Variants in ILRUN observed in about 807,000 individuals in gnomAD.
ILRUN encodes inflammation and lipid regulator with UBA-like and NBR1-like domains, also known as protein ILRUN.
Under a neutral mutation model 33.8 loss-of-function variants are expected in ILRUN, and 3 were observed. The observed-to-expected ratio is 0.09, with a 90% CI of 0.04 to 0.23. The LOEUF (loss-of-function observed/expected upper bound fraction) is 0.23, where lower values mean the gene tolerates loss of function less well. Among genes scored for constraint, ILRUN ranks in the 10% least tolerant of loss-of-function variants. ILRUN has a pLI of 1.00. For missense variants in ILRUN, 210 were observed against 375.1 expected, an observed-to-expected ratio of 0.56 and a Z score of 3.64; for synonymous variants, 124 against 138.9, an observed-to-expected ratio of 0.89 and a Z score of 0.75.
At position 34,683,528 on chromosome 6, in the gene ILRUN, ACATATT is replaced by A. The variant is rs1454338176; in HGVS notation, c.158+12912_158+12917del. Among the ~76,000 whole-genome samples the A allele has an allele frequency of 3.3e-3, 319 of 95,882 alleles. 7 individuals carry two copies. Among genetic ancestry groups the A allele is most frequent in the African/African-American group, 0.017 (263 of 15,760 alleles). The allele number at this position is 95,882 out of a possible 152,430, so 62.9% of individuals were successfully genotyped here. A position where few individuals can be genotyped will look rare whatever the true frequency, so the allele number is the denominator to read the frequency against. ...TATATATATATACATATATATATAT[ACATATT>A]GCACAGAATATTCTGTGCAATGGGG... is the stretch of plus-strand genomic sequence containing the variant. On this transcript the variant is annotated intron_variant, in intron 1 of 4. Transcript: ENST00000374023.
intron 4 of ILRUN, 150 bp downstream of exon 4, chr6:34,606,405 T>C: frequency 1.6e-6 from 1 of 615,092 alleles, no homozygotes; most frequent in Non-Finnish European, 2.8e-6. Context: ...AGGGGTAAGC[T>C]TTTGCATTGT....
At chr6:34,692,986 G>A (rs1182845215) in intron 1 of ILRUN, among the ~76,000 whole-genome samples, 1 of 152,156 alleles carries the variant, frequency 6.6e-6, no homozygotes, top group Non-Finnish European at 1.5e-5. Context: ...GCTGAGGTGG[G>A]AGGATTGCTT....
At chr6:34,634,589 C>T (rs898842409) in intron 3 of ILRUN, among the ~76,000 whole-genome samples, 4 of 151,640 alleles carry the variant, frequency 2.6e-5, no homozygotes, top group African/African-American at 9.7e-5. Flanking sequence ...AGAAGAGACA[C>T]AAAATATCAA....
At chr6:34,655,605 T>A (rs899711152) in intron 1 of ILRUN, among the ~76,000 whole-genome samples, 1 of 152,208 alleles carries the variant, frequency 6.6e-6, no homozygotes, top group Admixed American at 6.5e-5. Context: ...ATTTAACCAG[T>A]GGACTTTTGA....
chr6:34,614,358 C>T (rs1430990532), intron 3 of ILRUN, among the ~76,000 whole-genome samples: 2 of 150,490 alleles, frequency 1.3e-5, no homozygotes, highest in African/African-American at 4.9e-5. Context: ...GGAAGCAGAG[C>T]TTGTAGTGAG....
intron 3 of ILRUN, among the ~76,000 whole-genome samples, chr6:34,642,710 T>C (rs1714392846): frequency 1.4e-5 from 2 of 147,564 alleles, no homozygotes; most frequent in African/African-American, 2.5e-5. Flanking sequence ...TTCTGAGAGC[T>C]GGGCACAGTG....
chr6:34,648,995 A>G (rs1239633815), intron 2 of ILRUN, among the ~76,000 whole-genome samples: 1 of 152,222 alleles, frequency 6.6e-6, no homozygotes, highest in Non-Finnish European at 1.5e-5. Flanking sequence ...TACATTCCAG[A>G]GAAACTGAGT....
chr6:34,648,957 C>T (rs1762609121), intron 2 of ILRUN, among the ~76,000 whole-genome samples: 1 of 152,218 alleles, frequency 6.6e-6, no homozygotes, highest in African/African-American at 2.4e-5. Flanking sequence ...ATGATTGGGT[C>T]ATCTTAGCTG....
intron 3 of ILRUN, among the ~76,000 whole-genome samples, chr6:34,639,272 C>T (rs965668480): frequency 2.0e-5 from 3 of 152,092 alleles, no homozygotes; most frequent in African/African-American, 7.2e-5. Context: ...TCCCTAGGGA[C>T]CCATATGAGG....
intron 3 of ILRUN, among the ~76,000 whole-genome samples, chr6:34,645,604 T>C (rs1762550231): frequency 6.6e-6 from 1 of 152,170 alleles, no homozygotes; most frequent in Non-Finnish European, 1.5e-5. Flanking sequence ...GCCTCTGGGT[T>C]CATGCAATTC....
intron 1 of ILRUN, chr6:34,686,669 T>TA (rs1483183670): frequency 4.8e-6 from 1 of 207,094 alleles, no homozygotes; most frequent in Non-Finnish European, 1.0e-5. Context: ...CACAAAGTGA[T>TA]ACAGTATAAG....
At chr6:34,668,907 A>T (rs566749201) in intron 1 of ILRUN, among the ~76,000 whole-genome samples, 2 of 146,326 alleles carry the variant, frequency 1.4e-5, no homozygotes, top group African/African-American at 5.1e-5. Context: ...GCAATGGCGT[A>T]ATCTTGGATC....
chr6:34,606,395 A>AG (rs980732408), intron 4 of ILRUN, among the ~76,000 whole-genome samples, 160 bp downstream of exon 4: 23 of 152,182 alleles, frequency 1.5e-4, no homozygotes, highest in African/African-American at 5.5e-4. Context: ...AAACGGGAGA[A>AG]GGGGTAAGCT....
chr6:34,618,602 A>G (rs1009024112), intron 3 of ILRUN, among the ~76,000 whole-genome samples: 3 of 152,288 alleles, frequency 2.0e-5, no homozygotes, highest in Middle Eastern at 6.8e-3. Flanking sequence ...AGTTCCTCTG[A>G]AGTGCCTTCA....
At chr6:34,600,232 T>G (rs1246446316) in intron 4 of ILRUN, among the ~76,000 whole-genome samples, 5 of 152,180 alleles carry the variant, frequency 3.3e-5, no homozygotes, top group African/African-American at 1.2e-4. Flanking sequence ...CGCAAAACGC[T>G]CCACAATCTG....
intron 1 of ILRUN, among the ~76,000 whole-genome samples, chr6:34,688,402 C>CAA (rs10573054): frequency 5.3e-5 from 5 of 94,122 alleles, no homozygotes; most frequent in Non-Finnish European, 9.7e-5. Context: ...GACCCTGTCT[C>CAA]AAAAAAAAAA....
chr6:34,623,719 T>C (rs535392963), intron 3 of ILRUN, among the ~76,000 whole-genome samples: 54 of 152,366 alleles, frequency 3.5e-4, no homozygotes, highest in Non-Finnish European at 5.1e-4. Context: ...ATTTTGGCAT[T>C]AATGTTGAAA....
chr6:34,615,352 T>C (rs1442546986), intron 3 of ILRUN, among the ~76,000 whole-genome samples: 2 of 152,050 alleles, frequency 1.3e-5, no homozygotes, highest in Admixed American at 6.5e-5. Context: ...TCCCAGAACT[T>C]TGGGAGGCTG....
chr6:34,696,720 G>A lies in ILRUN; in HGVS notation c.-117C>T, dbSNP rs1726871411. ...GCTAGCTTCGCGACCCCGCTCCTTT[G>A]AGGTAGGCCCCGGGCCTCTCACAGT... On this transcript the variant is annotated 5_prime_UTR_variant, in exon 1 of 5. Coordinates refer to ENST00000374023, the MANE Select transcript of ILRUN (RefSeq NM_024294.4). 1.8e-6 allele frequency: 2 copies of A among 1,083,402 alleles called. No homozygotes were observed. Among genetic ancestry groups the A allele is most frequent in the South Asian group, 1.5e-5 (1 of 67,858 alleles). 67.1% of individuals were successfully genotyped at this position (1,083,402 alleles called of 1,614,324 possible). A position where few individuals can be genotyped will look rare whatever the true frequency, so the allele number is the denominator to read the frequency against.
Sources: allele counts gnomAD v4.1 joint callset (sites outside exome capture counted in the v4.1 genomes callset), GRCh38; gene constraint gnomAD v4.1.1; transcripts MANE v1.5; gene names NCBI Gene and HGNC (gene_info 2026-07-23, HGNC 2026-07-21).